EMCN: variants seen among roughly 807,000 people sequenced by gnomAD.
The protein encoded by EMCN is MUC-14.
EMCN carries 37 observed loss-of-function variants against 38.4 expected under a neutral mutation model. The observed-to-expected ratio is 0.96, with a 90% CI of 0.74 to 1.27. EMCN has a LOEUF of 1.27. EMCN is among the 50% of genes most tolerant of loss of function. The probability of loss-of-function intolerance (pLI) is 0.00; values close to 1 mark genes in which losing one functional copy is unlikely to be tolerated. For synonymous variants in EMCN, 95 were observed against 100.8 expected, an observed-to-expected ratio of 0.94 and a Z score of 0.35; for missense variants, 318 against 302.8, an observed-to-expected ratio of 1.05 and a Z score of -0.37.
intron 11 of EMCN, among the ~76,000 whole-genome samples, chr4:100,408,762 A>T (rs1223705598): frequency 6.6e-6 from 1 of 152,154 alleles, no homozygotes; most frequent in Middle Eastern, 3.2e-3. Flanking sequence ...CAGCAGGGGC[A>T]GGGACCTTGG....
chr4:100,405,205 T>G (rs1292436424), intron 11 of EMCN, among the ~76,000 whole-genome samples: 2 of 152,130 alleles, frequency 1.3e-5, no homozygotes, highest in Admixed American at 6.6e-5. Flanking sequence ...ATGCCTTTTA[T>G]TTCTTCTCTT....
intron 5 of EMCN, among the ~76,000 whole-genome samples, chr4:100,437,460 T>TAAA (rs34309945): frequency 0.011 from 1,601 of 150,316 alleles, 8 homozygotes; most frequent in Non-Finnish European, 0.014. Context: ...TGGTCTGATA[T>TAAA]AAAAAAAAAA....
chr4:100,486,368 A>G (rs1014995412), intron 1 of EMCN, among the ~76,000 whole-genome samples: 1 of 152,194 alleles, frequency 6.6e-6, no homozygotes, highest in Admixed American at 6.6e-5. Context: ...AATAAGCCTA[A>G]TATTTTGGGA....
At chr4:100,421,616 G>A (rs75325266) in intron 7 of EMCN, among the ~76,000 whole-genome samples, 110 of 152,140 alleles carry the variant, frequency 7.2e-4, no homozygotes, top group African/African-American at 2.5e-3. Context: ...TTAAGAGAGA[G>A]TGCCCCCATC....
At chr4:100,444,734 G>A (rs755448298) in intron 5 of EMCN, among the ~76,000 whole-genome samples, 30 of 152,088 alleles carry the variant, frequency 2.0e-4, no homozygotes, top group Non-Finnish European at 4.1e-4. Context: ...GCATACTCAC[G>A]CTTGGAGCAG....
At chr4:100,492,844 G>A (rs530635724) in intron 1 of EMCN, among the ~76,000 whole-genome samples, 6 of 151,786 alleles carry the variant, frequency 4.0e-5, no homozygotes, top group Non-Finnish European at 5.9e-5. Context: ...AGTAGAAAAC[G>A]CGGTCTGGGG....
intron 1 of EMCN, among the ~76,000 whole-genome samples, chr4:100,516,247 T>C (rs1163969720): frequency 6.6e-6 from 1 of 152,124 alleles, no homozygotes; most frequent in Admixed American, 6.6e-5. Context: ...GGATTGTCCT[T>C]CATCTTCATG....
chr4:100,427,996 T>A (rs967588437), intron 5 of EMCN, among the ~76,000 whole-genome samples: 1 of 152,102 alleles, frequency 6.6e-6, no homozygotes, highest in Non-Finnish European at 1.5e-5. Flanking sequence ...TTTTGGAGAT[T>A]TTGTGCCATC....
chr4:100,516,000 G>GC (rs1425015867), intron 1 of EMCN, among the ~76,000 whole-genome samples: 1 of 127,832 alleles, frequency 7.8e-6, no homozygotes, highest in Non-Finnish European at 1.7e-5. Flanking sequence ...AGTAGGTTTG[G>GC]TTTGTTTGTT....
chr4:100,464,004 G>A (rs948361257), intron 4 of EMCN, among the ~76,000 whole-genome samples: 1 of 151,790 alleles, frequency 6.6e-6, no homozygotes, highest in African/African-American at 2.4e-5. Context: ...TGATCAACTT[G>A]GAGAGAATTA....
intron 5 of EMCN, among the ~76,000 whole-genome samples, chr4:100,424,085 A>G (rs1387321903): frequency 6.6e-6 from 1 of 152,090 alleles, no homozygotes; most frequent in Non-Finnish European, 1.5e-5. Context: ...TGCCATCTTC[A>G]ATCAGAAGGA....
chr4:100,449,646 C>T (rs1167486697), intron 4 of EMCN, among the ~76,000 whole-genome samples: 1 of 152,042 alleles, frequency 6.6e-6, no homozygotes, highest in Non-Finnish European at 1.5e-5. Flanking sequence ...GTAGACTTCA[C>T]TGAGAAGACA....
At chr4:100,434,894 A>G (rs1727306617) in intron 5 of EMCN, among the ~76,000 whole-genome samples, 1 of 152,132 alleles carries the variant, frequency 6.6e-6, no homozygotes, top group Non-Finnish European at 1.5e-5. Flanking sequence ...TAAGAGCCAT[A>G]TATGACAAAC....
At chr4:100,483,889 T>C (rs1047223152) in intron 1 of EMCN, among the ~76,000 whole-genome samples, 9 of 152,110 alleles carry the variant, frequency 5.9e-5, no homozygotes, top group African/African-American at 2.2e-4. Flanking sequence ...TGAGATACTA[T>C]TTTTTTCCTC....
chr4:100,456,749 C>T (rs980764177), intron 4 of EMCN, among the ~76,000 whole-genome samples: 4 of 152,058 alleles, frequency 2.6e-5, no homozygotes, highest in Non-Finnish European at 2.9e-5. Context: ...ATGATAGTAA[C>T]GAATTCTTAT....
intron 4 of EMCN, among the ~76,000 whole-genome samples, chr4:100,451,441 C>T (rs1317668789): frequency 6.6e-6 from 1 of 151,790 alleles, no homozygotes; most frequent in Non-Finnish European, 1.5e-5. Context: ...AAAATATACA[C>T]ATTCAAGTAT....
At chr4:100,512,509 A>T (rs1382835166) in intron 1 of EMCN, among the ~76,000 whole-genome samples, 1 of 152,194 alleles carries the variant, frequency 6.6e-6, no homozygotes, top group African/African-American at 2.4e-5. Context: ...AAAGTTACTT[A>T]AATTCCTATT....
chr4:100,495,899 T>G (rs1354142873), intron 1 of EMCN, among the ~76,000 whole-genome samples: 1 of 152,136 alleles, frequency 6.6e-6, no homozygotes, highest in African/African-American at 2.4e-5. Flanking sequence ...ATTAGGATTA[T>G]TCTATCATTT....
At chr4:100,505,846 A>C (rs1729467170) in intron 1 of EMCN, among the ~76,000 whole-genome samples, 1 of 152,206 alleles carries the variant, frequency 6.6e-6, no homozygotes, top group Non-Finnish European at 1.5e-5. Flanking sequence ...CACTGGCATG[A>C]CCTACAAGAG....
Sources: gnomAD v4.1 joint callset for allele counts (sites outside exome capture counted in the v4.1 genomes callset) on GRCh38, gnomAD v4.1.1 for gene constraint, MANE v1.5 for transcripts, NCBI Gene and HGNC (gene_info 2026-07-23, HGNC 2026-07-21) for gene names.